The following NRXN3 variants were observed in gnomAD, a reference collection of about 807,000 sequenced individuals.
NRXN3 encodes the protein neurexin 3.
In NRXN3, 32 loss-of-function variants were observed where a neutral mutation model predicts 137.6. The observed-to-expected ratio is 0.23, with a 90% CI of 0.18 to 0.31. The LOEUF (loss-of-function observed/expected upper bound fraction) is 0.31, where lower values mean the gene tolerates loss of function less well. NRXN3 is among the 10% of genes least tolerant of loss of function. The probability of loss-of-function intolerance (pLI) is 1.00; values close to 1 mark genes in which losing one functional copy is unlikely to be tolerated. For synonymous variants in NRXN3, 798 were observed against 784.5 expected, an observed-to-expected ratio of 1.02 and a Z score of -0.29; for missense variants, 1,574 against 2,062.5, an observed-to-expected ratio of 0.76 and a Z score of 4.59.
At chr14:79,293,962 G>A (rs74067991) in intron 15 of NRXN3, among the ~76,000 whole-genome samples, 1,952 of 152,298 alleles carry the variant, frequency 0.013, 48 homozygotes, top group African/African-American at 0.044. Flanking sequence ...TAGATCCCGC[G>A]CTTGCTTTCT....
intron 1 of NRXN3, among the ~76,000 whole-genome samples, chr14:78,188,695 A>C (rs1211696479): frequency 6.6e-6 from 1 of 152,210 alleles, no homozygotes; most frequent in East Asian, 1.9e-4. Flanking sequence ...CAGAGCAGCC[A>C]AATGTGAATG....
intron 15 of NRXN3, among the ~76,000 whole-genome samples, chr14:79,397,632 T>A (rs2095064677): frequency 6.6e-6 from 1 of 152,202 alleles, no homozygotes; most frequent in African/African-American, 2.4e-5. Flanking sequence ...AAAACAATGG[T>A]CTTGTTTAAT....
chr14:79,409,976 A>T (rs563870603), intron 15 of NRXN3, among the ~76,000 whole-genome samples: 2 of 151,824 alleles, frequency 1.3e-5, no homozygotes, highest in Non-Finnish European at 2.9e-5. Flanking sequence ...AAAGGAATAA[A>T]TTATATATTT....
intron 10 of NRXN3, among the ~76,000 whole-genome samples, chr14:78,909,715 T>C (rs981454573): frequency 6.6e-6 from 1 of 152,126 alleles, no homozygotes; most frequent in Non-Finnish European, 1.5e-5. Flanking sequence ...CTCAATTCTT[T>C]AGGGATAGAC....
At chr14:78,428,498 G>A (rs1005848734) in intron 4 of NRXN3, among the ~76,000 whole-genome samples, 3 of 152,192 alleles carry the variant, frequency 2.0e-5, no homozygotes, top group Non-Finnish European at 4.4e-5. Context: ...CCAATAGGAT[G>A]TGTATGTATA....
At chr14:78,814,595 C>T (rs2098925771) in intron 10 of NRXN3, among the ~76,000 whole-genome samples, 1 of 152,172 alleles carries the variant, frequency 6.6e-6, no homozygotes, top group Admixed American at 6.5e-5. Flanking sequence ...AGCCTGGCGA[C>T]TGAGCGAGAC....
intron 20 of NRXN3, among the ~76,000 whole-genome samples, chr14:79,841,547 G>A (rs936904641): frequency 5.9e-5 from 9 of 152,186 alleles, no homozygotes; most frequent in African/African-American, 2.2e-4. Context: ...AGGTCCCACT[G>A]CTCCTGTGTT....
intron 15 of NRXN3, among the ~76,000 whole-genome samples, chr14:79,457,962 G>A (rs1018523398): frequency 6.6e-6 from 1 of 152,138 alleles, no homozygotes; most frequent in African/African-American, 2.4e-5. Context: ...AGAAAAGGCT[G>A]CTGAGTAATT....
At chr14:78,389,595 GT>G (rs1363514571) in intron 4 of NRXN3, among the ~76,000 whole-genome samples, 5 of 152,040 alleles carry the variant, frequency 3.3e-5, no homozygotes, top group African/African-American at 1.2e-4. Context: ...AAGTATTTAA[GT>G]TTTCCTCTTA....
chr14:78,367,475 C>G (rs1240441609), intron 4 of NRXN3, among the ~76,000 whole-genome samples: 3 of 152,220 alleles, frequency 2.0e-5, no homozygotes, highest in Non-Finnish European at 4.4e-5. Flanking sequence ...TTCTCATCCT[C>G]CAGTAATACT....
chr14:78,773,029 G>A (rs764076102), intron 8 of NRXN3, among the ~76,000 whole-genome samples: 4 of 152,104 alleles, frequency 2.6e-5, no homozygotes, highest in East Asian at 1.9e-4. Flanking sequence ...ATAAAGTCCC[G>A]ATTGGCTCAT....
At chr14:78,708,821 G>A (rs957092997) in intron 6 of NRXN3, among the ~76,000 whole-genome samples, 1 of 152,174 alleles carries the variant, frequency 6.6e-6, no homozygotes, top group East Asian at 1.9e-4. Context: ...TTATAACGCT[G>A]TGCCATCTGC....
intron 10 of NRXN3, among the ~76,000 whole-genome samples, chr14:78,910,275 A>T (rs199759422): frequency 6.6e-6 from 1 of 152,004 alleles, no homozygotes; most frequent in African/African-American, 2.4e-5. Context: ...CTCACTGGCA[A>T]TGTAGCTTTG....
chr14:78,965,597 C>G (rs548895498), intron 11 of NRXN3, among the ~76,000 whole-genome samples: 3 of 152,128 alleles, frequency 2.0e-5, no homozygotes, highest in Non-Finnish European at 4.4e-5. Flanking sequence ...ATCCTTCCCA[C>G]GAGTACTAAG....
At chr14:79,037,805 C>T (rs1451129282) in intron 15 of NRXN3, among the ~76,000 whole-genome samples, 1 of 152,186 alleles carries the variant, frequency 6.6e-6, no homozygotes, top group Non-Finnish European at 1.5e-5. Context: ...TATTTGAGTT[C>T]TCATATATCA....
At chr14:78,282,390 C>T (rs2074527176) in intron 3 of NRXN3, 1 of 319,840 alleles carries the variant, frequency 3.1e-6, no homozygotes, top group South Asian at 2.5e-5. Flanking sequence ...CAGTGCTTCT[C>T]CCTCCTGCCT....
intron 11 of NRXN3, among the ~76,000 whole-genome samples, chr14:78,959,017 T>C (rs1325832539): frequency 6.6e-6 from 1 of 152,236 alleles, no homozygotes; most frequent in East Asian, 1.9e-4. Flanking sequence ...ATTGATATTC[T>C]ATTATTTCTA....
chr14:79,806,765 G>T (rs1418299657), intron 20 of NRXN3, among the ~76,000 whole-genome samples: 4 of 146,512 alleles, frequency 2.7e-5, no homozygotes, highest in South Asian at 2.2e-4. Context: ...GAATAGTTTT[G>T]CTATCTAACT....
chr14:79,234,293 AATATATATATATATATATAT>A (rs71131687), intron 15 of NRXN3, among the ~76,000 whole-genome samples: 3,614 of 56,212 alleles, frequency 0.064, 283 homozygotes, highest in East Asian at 0.21. Context: ...TTCAATGGTA[AATATATATATATATATATAT>A]ATATATATAT....
Sources: allele counts gnomAD v4.1 joint callset (sites outside exome capture counted in the v4.1 genomes callset), GRCh38; gene constraint gnomAD v4.1.1; transcripts MANE v1.5; gene names NCBI Gene and HGNC (gene_info 2026-07-23, HGNC 2026-07-21).